CLIP1: variants seen among roughly 807,000 people sequenced by gnomAD.
CLIP1 encodes the protein CAP-Gly domain containing linker protein 1.
CLIP1 carries 66 observed loss-of-function variants against 161.6 expected under a neutral mutation model. That is an observed-to-expected ratio of 0.41 (90% confidence interval 0.33 to 0.50). CLIP1 has a LOEUF of 0.50. CLIP1 is among the 20% of genes least tolerant of loss of function. The probability of loss-of-function intolerance (pLI) is 0.27; values close to 1 mark genes in which losing one functional copy is unlikely to be tolerated. For synonymous variants in CLIP1, 598 were observed against 626.2 expected, an observed-to-expected ratio of 0.96 and a Z score of 0.67; for missense variants, 1,376 against 1,702.0, an observed-to-expected ratio of 0.81 and a Z score of 3.37.
chr12:122,288,455 C>T, intron 21 of CLIP1, 34 bp downstream of exon 21: 1 of 1,526,526 alleles, frequency 6.6e-7, no homozygotes, highest in Non-Finnish European at 9.0e-7. Flanking sequence ...TCTTATTAAA[C>T]ACACACACAT....
Position 122,278,216 on chromosome 12 carries a change from G to GA in CLIP1, c.3917-14dup, listed in dbSNP as rs35483741. On this transcript the variant is annotated splice_polypyrimidine_tract_variant and intron_variant, in intron 23 of 25. Coordinates refer to ENST00000620786, the MANE Select transcript of CLIP1 (RefSeq NM_001247997.2). ...GTGTCTGTATTACCTTATATTTGAG[G>GA]AAAAAAAAAAAAAAACAAGTGGAGG... The GA allele has an allele frequency of 0.16, 208,214 of 1,288,906 alleles. 4,503 individuals are homozygous for GA. Among genetic ancestry groups the GA allele is most frequent in the African/African-American group, 0.43 (27,586 of 64,000 alleles). 79.8% of individuals were successfully genotyped at this position (1,288,906 alleles called of 1,614,324 possible).
In CLIP1 at chr12:122,291,816, G is replaced by A. The variant is rs375443791; in HGVS notation, c.3595-3275C>T. On this transcript the variant is annotated intron_variant, in intron 20 of 25. Coordinates refer to ENST00000620786, the MANE Select transcript of CLIP1 (RefSeq NM_001247997.2). ...TTTGGGGGATACGTTTTGAAACTAC[G>A]TAAATATCCTGTTATTCAACAAACT... is the stretch of plus-strand genomic sequence containing the variant. Among the ~76,000 whole-genome samples, 12 of 152,088 alleles carry A rather than the reference G, an allele frequency of 7.9e-5. No homozygotes were observed. In the East Asian group the frequency reaches 1.2e-3, roughly 15 times the overall value.
Position 122,341,762 on chromosome 12 carries a change from C to CCTTTTTTT in CLIP1, c.1507-66_1507-65insAAAAAAAG, listed in dbSNP as rs1566143047. ...AACAAGTCATTGACTATTTTCTTTT[C>CCTTTTTTT]TTTTTTTTTTTTTTTTTTTTTTTTT... is the stretch of plus-strand genomic sequence containing the variant. On this transcript the variant is annotated intron_variant, in intron 10 of 25. Transcript: ENST00000620786. The CCTTTTTTT allele has an allele frequency of 4.4e-4, 42 of 96,026 alleles. 2 individuals are homozygous for CCTTTTTTT. The highest frequency in any genetic ancestry group is 2.3e-3 in the East Asian group (13 of 5,584). 5.9% of individuals were successfully genotyped at this position (96,026 alleles called of 1,614,324 possible).
At chr12:122,394,724 A>G (rs980147664) in intron 1 of CLIP1, among the ~76,000 whole-genome samples, 3 of 151,688 alleles carry the variant, frequency 2.0e-5, no homozygotes, top group East Asian at 2.0e-4. Context: ...CATCTCTACT[A>G]AAAATACAAA....
rs186021559 is a variant in CLIP1, at chr12:122,288,465, T to A, written c.3647+24A>T. 3.1e-5 allele frequency: 49 copies of A among 1,590,516 alleles called. No homozygotes were observed. In the African/African-American group the frequency reaches 6.0e-4, roughly 20 times the overall value. On this transcript the variant is annotated intron_variant, in intron 21 of 25. Coordinates refer to ENST00000620786, the MANE Select transcript of CLIP1 (RefSeq NM_001247997.2). The stretch of plus-strand genomic sequence containing the variant: ...TGACATCTTATTAAACACACACACA[T>A]ACAACAATAAACAGAAAGCTTACCT...
Position 122,323,542 on chromosome 12 carries a change from G to A in CLIP1, c.3250-4194C>T, listed in dbSNP as rs940225726. 2 of 152,654 alleles carry A rather than the reference G, an allele frequency of 1.3e-5. No homozygotes were observed. Among genetic ancestry groups the A allele is most frequent in the African/African-American group, 2.4e-5 (1 of 41,448 alleles). The allele number at this position is 152,654 out of a possible 1,614,324, so 9.5% of individuals were successfully genotyped here. A position where few individuals can be genotyped will look rare whatever the true frequency, so the allele number is the denominator to read the frequency against. On this transcript the variant is annotated intron_variant, in intron 17 of 25. Transcript: ENST00000620786. This position sits in a 1 kb window ranked among gnomAD's most constrained non-coding sequence, Gnocchi z 4.1. ...CCTTGCTGGCATCATCCAGCTGTGCGCGGAGCCCACTGGCTTCTGAGCGGA... is the reference window on the plus strand; with the variant it reads ...CCTTGCTGGCATCATCCAGCTGTGCACGGAGCCCACTGGCTTCTGAGCGGA...
chr12:122,278,050 G>T, intron 24 of CLIP1, 104 bp downstream of exon 24: 1 of 1,005,846 alleles, frequency 9.9e-7, no homozygotes, highest in Non-Finnish European at 1.5e-6. Flanking sequence ...CAATTCAAAA[G>T]ACTAAATGAT....
At chr12:122,397,896 A>T (rs970018660) in intron 1 of CLIP1, among the ~76,000 whole-genome samples, 3 of 151,998 alleles carry the variant, frequency 2.0e-5, no homozygotes, top group East Asian at 3.9e-4. Context: ...CAGAGGTTGC[A>T]GTGAGCCAAG....
At chr12:122,338,345 C>T (rs1017787943) in intron 11 of CLIP1, among the ~76,000 whole-genome samples, 15 of 152,114 alleles carry the variant, frequency 9.9e-5, no homozygotes, top group Admixed American at 9.2e-4. Context: ...CCTTAAGATG[C>T]GAATATATGT....
intron 20 of CLIP1, among the ~76,000 whole-genome samples, chr12:122,308,326 T>C (rs930952051): frequency 4.6e-5 from 7 of 152,230 alleles, no homozygotes; most frequent in East Asian, 3.8e-4. Flanking sequence ...GAGATGGCAA[T>C]AGACTCAGCA....
intron 17 of CLIP1, chr12:122,324,266 A>G (rs1461487931): frequency 1.3e-5 from 2 of 152,622 alleles, no homozygotes; most frequent in Non-Finnish European, 1.5e-5. Flanking sequence ...ACCGTTTTCT[A>G]ACTTTAAATC....
chr12:122,312,127 G>T (rs1165711141), intron 19 of CLIP1, among the ~76,000 whole-genome samples: 1 of 152,018 alleles, frequency 6.6e-6, no homozygotes, highest in Non-Finnish European at 1.5e-5. Flanking sequence ...GAAGAGACTA[G>T]GTTTAAAACT....
At chr12:122,359,386 G>T (rs1953669181) in intron 5 of CLIP1, among the ~76,000 whole-genome samples, 1 of 152,116 alleles carries the variant, frequency 6.6e-6, no homozygotes, top group Non-Finnish European at 1.5e-5. Flanking sequence ...CCAAAGAAAT[G>T]GACACAATTA....
At chr12:122,298,121 T>C (rs1337572119) in intron 20 of CLIP1, among the ~76,000 whole-genome samples, 1 of 152,134 alleles carries the variant, frequency 6.6e-6, no homozygotes, top group Non-Finnish European at 1.5e-5. Flanking sequence ...CTCCTTTCCA[T>C]CGGAGCTGCC....
chr12:122,291,739 A>G (rs1277133970), intron 20 of CLIP1, among the ~76,000 whole-genome samples: 2 of 152,198 alleles, frequency 1.3e-5, no homozygotes, highest in Non-Finnish European at 2.9e-5. Flanking sequence ...AGTATCTTCC[A>G]TGTTTCTCCA....
intron 15 of CLIP1, 31 bp from the exon 16 acceptor site, chr12:122,328,457 T>C (rs779293453): frequency 4.0e-5 from 55 of 1,380,280 alleles, no homozygotes; most frequent in Non-Finnish European, 5.2e-5. Flanking sequence ...AGGTGTCAGA[T>C]TTTTCATAAG....
chr12:122,404,912 C>CAA (rs373167612), intron 1 of CLIP1, among the ~76,000 whole-genome samples: 8 of 124,212 alleles, frequency 6.4e-5, no homozygotes, highest in Admixed American at 8.1e-5. Flanking sequence ...AAAAAAAAAA[C>CAA]AAAACAAAAA....
chr12:122,294,914 C>T (rs905010563), intron 20 of CLIP1, among the ~76,000 whole-genome samples: 1 of 151,500 alleles, frequency 6.6e-6, no homozygotes, highest in Non-Finnish European at 1.5e-5. Flanking sequence ...ATTAGCTGGG[C>T]GTGGTGGCAT....
chr12:122,304,065 C>T (rs1950782546), intron 20 of CLIP1, among the ~76,000 whole-genome samples: 1 of 152,242 alleles, frequency 6.6e-6, no homozygotes, highest in Non-Finnish European at 1.5e-5. Flanking sequence ...TGCCTGTCAG[C>T]TGCAGTTTGT....
Sources: gnomAD v4.1 joint callset for allele counts (sites outside exome capture counted in the v4.1 genomes callset) on GRCh38, gnomAD v4.1.1 for gene constraint, Gnocchi (gnomAD v3.1) non-coding constraint, MANE v1.5 for transcripts, NCBI Gene and HGNC (gene_info 2026-07-23, HGNC 2026-07-21) for gene names.